Variants in SULF1 observed in about 807,000 individuals in gnomAD.
SULF1 encodes the protein sulfatase 1, also known as extracellular sulfatase Sulf-1.
A neutral mutation model predicts 110.5 loss-of-function variants in SULF1; 46 were observed. The observed-to-expected ratio is 0.42, with a 90% CI of 0.33 to 0.53. SULF1 has a LOEUF of 0.53. Among genes scored for constraint, SULF1 ranks in the 20% least tolerant of loss-of-function variants. The pLI, the probability that SULF1 is intolerant of heterozygous loss-of-function variation, is 0.12. For synonymous variants in SULF1, 371 were observed against 387.1 expected (o/e 0.96, Z 0.49); for missense variants, 941 against 1,094.2 (o/e 0.86, Z 1.98).
chr8:69,600,935 C>T (rs1486920800), intron 9 of SULF1, among the ~76,000 whole-genome samples, 182 bp downstream of exon 9: 2 of 152,146 alleles, frequency 1.3e-5, no homozygotes, highest in African/African-American at 4.8e-5. Flanking sequence ...GTCCTCATTC[C>T]ATCTACCTCT....
At chr8:69,624,405 T>G (rs1337574730) in intron 15 of SULF1, among the ~76,000 whole-genome samples, 1 of 152,228 alleles carries the variant, frequency 6.6e-6, no homozygotes, top group Non-Finnish European at 1.5e-5. Context: ...TGATTTCACA[T>G]TAAGACTGAT....
At chr8:69,589,198 A>G (rs1806690053) in intron 8 of SULF1, 57 bp downstream of exon 8, 1 of 1,522,420 alleles carries the variant, frequency 6.6e-7, no homozygotes, top group South Asian at 1.2e-5. Context: ...TTTTCTCCTC[A>G]TCCCACTCCT....
chr8:69,579,996 AAAC>A (rs1446952687), intron 6 of SULF1, among the ~76,000 whole-genome samples: 7 of 152,216 alleles, frequency 4.6e-5, no homozygotes, highest in Non-Finnish European at 7.3e-5. Context: ...AACTCAGAGA[AAAC>A]AAATTACTAA....
At chr8:69,495,375 C>T (rs1318876908) in intron 1 of SULF1, among the ~76,000 whole-genome samples, 2 of 151,922 alleles carry the variant, frequency 1.3e-5, no homozygotes, top group Non-Finnish European at 2.9e-5. Flanking sequence ...GCCTGAGCAA[C>T]ATAGTGAGAC....
chr8:69,488,413 C>T (rs990718491), upstream of SULF1, among the ~76,000 whole-genome samples: 1 of 152,158 alleles, frequency 6.6e-6, no homozygotes, highest in Non-Finnish European at 1.5e-5. Flanking sequence ...GCTATTGCTC[C>T]CAAAACTCTC....
Position 69,547,298 on chromosome 8 carries a change from G to C in SULF1, c.-133-16241G>C, listed in dbSNP as rs73683970. On this transcript the variant is annotated intron_variant, in intron 3 of 22. Coordinates refer to ENST00000402687, the MANE Select transcript of SULF1 (RefSeq NM_001128205.2). ...ATATTTTCCTGAACTGTGATGCCTT[G>C]TGAACACAGAAGGAATCATTTTATC... 5.6e-3 allele frequency among the ~76,000 whole-genome samples: 845 copies of C among 152,226 alleles called. 5 individuals are homozygous for C. Among genetic ancestry groups the C allele is most frequent in the African/African-American group, 0.019 (786 of 41,528 alleles).
At position 69,624,096 on chromosome 8, in the gene SULF1, G is replaced by T; in HGVS notation, c.1749G>T (p.Gly583=). The change falls in exon 15 of 23, where the codon GGG becomes GGT. Residue 583 remains glycine, a synonymous_variant. Coordinates refer to ENST00000402687, the MANE Select transcript of SULF1 (RefSeq NM_001128205.2). ...AGCGTCATGATGAAGGCCACAAGGG[G>T]CCAAGAGATCTCCAGGCTTCCAGTG... The part of the protein sequence containing the change: ...IAKRHDEGHK[G]PRDLQASSGG... The T allele has an allele frequency of 1.9e-6, 3 of 1,614,074 alleles. No homozygotes were observed. Among genetic ancestry groups the T allele is most frequent in the Middle Eastern group, 3.3e-4 (2 of 6,058 alleles).
At chr8:69,530,876 A>T (rs780466243) in intron 3 of SULF1, among the ~76,000 whole-genome samples, 4 of 152,198 alleles carry the variant, frequency 2.6e-5, no homozygotes, top group African/African-American at 4.8e-5. Context: ...TGTCCTGCAC[A>T]AGTGGATGCT....
At chr8:69,507,683 G>T (rs539200129) in intron 3 of SULF1, among the ~76,000 whole-genome samples, 1 of 152,160 alleles carries the variant, frequency 6.6e-6, no homozygotes, top group Non-Finnish European at 1.5e-5. Flanking sequence ...GAGAATTGAA[G>T]TACTATAGGC....
intron 14 of SULF1, among the ~76,000 whole-genome samples, chr8:69,621,487 T>C (rs759890117): frequency 3.9e-5 from 6 of 152,220 alleles, no homozygotes; most frequent in Admixed American, 6.5e-5. Context: ...AAGCACCAGA[T>C]GCAAAACATA....
intron 1 of SULF1, among the ~76,000 whole-genome samples, chr8:69,474,499 C>T (rs1809221732): frequency 6.6e-6 from 1 of 152,186 alleles, no homozygotes; most frequent in Non-Finnish European, 1.5e-5. Context: ...CAGCTTTTAA[C>T]TTTCATCTTA....
chr8:69,652,966 G>A (rs1250409395), intron 22 of SULF1, among the ~76,000 whole-genome samples: 1 of 152,164 alleles, frequency 6.6e-6, no homozygotes, highest in African/African-American at 2.4e-5. Flanking sequence ...ATTCAGCTGA[G>A]GTTTTTCTTT....
chr8:69,548,614 AT>A (rs3059933), intron 3 of SULF1, among the ~76,000 whole-genome samples: 2,837 of 120,854 alleles, frequency 0.023, 49 homozygotes, highest in African/African-American at 0.07. Flanking sequence ...TGCCTCGCTG[AT>A]TTTTTTTTTT....
chr8:69,546,354 C>T (rs550426571), intron 3 of SULF1, among the ~76,000 whole-genome samples: 1 of 152,212 alleles, frequency 6.6e-6, no homozygotes, highest in South Asian at 2.1e-4. Flanking sequence ...ACTATTTTGT[C>T]CTCTACATTT....
chr8:69,554,388 G>A (rs1413534637), intron 3 of SULF1, among the ~76,000 whole-genome samples: 2 of 151,884 alleles, frequency 1.3e-5, no homozygotes, highest in Non-Finnish European at 2.9e-5. Flanking sequence ...TTACATATAA[G>A]TAACACTTTA....
At chr8:69,480,166 C>T (rs931865285) in intron 1 of SULF1, among the ~76,000 whole-genome samples, 4 of 152,166 alleles carry the variant, frequency 2.6e-5, no homozygotes, top group Non-Finnish European at 5.9e-5. Flanking sequence ...AACACACTAT[C>T]CACTGTTGAT....
chr8:69,520,675 A>C (rs761760623), intron 3 of SULF1, among the ~76,000 whole-genome samples: 1 of 152,130 alleles, frequency 6.6e-6, no homozygotes, highest in Non-Finnish European at 1.5e-5. Context: ...TTTGGTTTAC[A>C]TTTGCCAGTT....
chr8:69,531,276 A>G (rs1813063959), intron 3 of SULF1, among the ~76,000 whole-genome samples: 1 of 152,196 alleles, frequency 6.6e-6, no homozygotes, highest in Non-Finnish European at 1.5e-5. Context: ...ATGTTTGCAT[A>G]TATGTGTATA....
At chr8:69,554,703 G>A (rs13267742) in intron 3 of SULF1, among the ~76,000 whole-genome samples, 30,802 of 151,582 alleles carry the variant, frequency 0.2, 3,271 homozygotes, top group African/African-American at 0.26. Flanking sequence ...AAATTGGTGA[G>A]TCGCCGTGGC....
Sources: allele counts gnomAD v4.1 joint callset (sites outside exome capture counted in the v4.1 genomes callset), GRCh38; gene constraint gnomAD v4.1.1; transcripts MANE v1.5; gene names NCBI Gene and HGNC (gene_info 2026-07-23, HGNC 2026-07-21).